Variants in TOM1L1 observed in about 807,000 individuals in gnomAD.
TOM1L1 encodes TOM1-like protein 1.
Under a neutral mutation model 63.4 loss-of-function variants are expected in TOM1L1, and 64 were observed. The ratio of observed to expected loss-of-function variants is 1.01; its 90% confidence interval spans 0.83 to 1.24. The LOEUF is 1.24. Ranked by LOEUF, TOM1L1 falls within the 50% of genes most tolerant of loss-of-function variation. The pLI is 0.00. For synonymous variants in TOM1L1, 166 were observed against 194.4 expected, an observed-to-expected ratio of 0.85 and a Z score of 1.22; for missense variants, 536 against 567.0, an observed-to-expected ratio of 0.95 and a Z score of 0.55.
At chr17:54,948,767 G>A (rs192019363) in intron 12 of TOM1L1, among the ~76,000 whole-genome samples, 2 of 152,324 alleles carry the variant, frequency 1.3e-5, no homozygotes, top group Admixed American at 1.3e-4. Context: ...TTTGTGGAGT[G>A]AATAAGGAAA....
intron 3 of TOM1L1, chr17:54,906,832 C>A: frequency 1.0e-6 from 1 of 984,814 alleles, no homozygotes; most frequent in Non-Finnish European, 1.2e-6. Context: ...GCCCTGCCTG[C>A]TGCCTGAGAG....
chr17:54,906,728 A>T, intron 3 of TOM1L1: 3 of 983,314 alleles, frequency 3.1e-6, no homozygotes, highest in Non-Finnish European at 3.6e-6. Context: ...GTGGACTCTT[A>T]TTTGATGTGT....
chr17:54,912,237 C>T (rs28564882), intron 3 of TOM1L1, among the ~76,000 whole-genome samples: 39,545 of 151,992 alleles, frequency 0.26, 5,287 homozygotes, highest in Non-Finnish European at 0.29. Context: ...GCTGGGGTGA[C>T]TGTGTAATTT....
At chr17:54,947,439 A>G in intron 12 of TOM1L1, 127 bp downstream of exon 12, 1 of 1,089,232 alleles carries the variant, frequency 9.2e-7, no homozygotes, top group East Asian at 2.5e-5. Flanking sequence ...CCTGTTAGCA[A>G]GATGGTAAGG....
chr17:54,953,854 A>C (rs920145081), intron 14 of TOM1L1: 19 of 152,316 alleles, frequency 1.2e-4, no homozygotes, highest in African/African-American at 4.3e-4. Context: ...TGAGAGATGA[A>C]GTGAGATTAA....
intron 12 of TOM1L1, 27 bp downstream of exon 12, chr17:54,947,339 G>C (rs1386456960): frequency 6.2e-7 from 1 of 1,609,178 alleles, no homozygotes. Context: ...TTTTCTAGCA[G>C]TGCATCTAGT....
At chr17:54,940,930 T>C (rs1204666657) in intron 11 of TOM1L1, among the ~76,000 whole-genome samples, 1 of 152,154 alleles carries the variant, frequency 6.6e-6, no homozygotes, top group East Asian at 1.9e-4. Context: ...TTTTAGATAA[T>C]AGGCAACACA....
At chr17:54,919,422 G>GT (rs2048645143) in intron 7 of TOM1L1, among the ~76,000 whole-genome samples, 1 of 152,126 alleles carries the variant, frequency 6.6e-6, no homozygotes, top group East Asian at 1.9e-4. Context: ...CAATCCTTCA[G>GT]TAAAAACACA....
At chr17:54,907,198 G>A (rs1037976796) in intron 3 of TOM1L1, among the ~76,000 whole-genome samples, 1 of 145,338 alleles carries the variant, frequency 6.9e-6, no homozygotes, top group East Asian at 2.0e-4. Flanking sequence ...AACTCTTGAA[G>A]GTCACAGAAT....
intron 8 of TOM1L1, among the ~76,000 whole-genome samples, chr17:54,932,516 T>G (rs1158058935): frequency 1.3e-5 from 2 of 152,146 alleles, no homozygotes; most frequent in African/African-American, 4.8e-5. Flanking sequence ...TAAGACAATA[T>G]GAGGAGTAGT....
At chr17:54,913,684 A>G in intron 4 of TOM1L1, 64 bp from the exon 5 acceptor site, 20 of 1,424,484 alleles carry the variant, frequency 1.4e-5, no homozygotes, top group Non-Finnish European at 1.9e-5. Flanking sequence ...AAAAAAAAAA[A>G]AGAATTGTGT....
At position 54,930,120 on chromosome 17, in the gene TOM1L1, G is replaced by C; in HGVS notation, c.768G>C (p.Leu256=). ...AGATGCAGGAGAGGATCATGGACCT[G>C]CTTGTGGTGGTGGAGAACGAAGATG... The part of the protein sequence containing the change: ...GREMQERIMD[L]LVVVENEDVT... The change falls in exon 8 of 16, where the codon CTG becomes CTC. Residue 256 remains leucine (L), a synonymous_variant. Coordinates refer to ENST00000575882, the MANE Select transcript of TOM1L1 (RefSeq NM_005486.3). 3.1e-6 allele frequency: 5 copies of C among 1,614,140 alleles called. No homozygotes were observed. The highest frequency in any genetic ancestry group is 4.2e-6 in the Non-Finnish European group (5 of 1,180,002).
Position 54,945,404 on chromosome 17 carries a change from G to T in TOM1L1, c.1131-1857G>T, listed in dbSNP as rs149511471. ...TAATGGAACTTCTTGAATGTGGTTTGTGGCTTTATGTCTTTCACCAAACTT... is the reference window on the plus strand; with the variant it reads ...TAATGGAACTTCTTGAATGTGGTTTTTGGCTTTATGTCTTTCACCAAACTT... On this transcript the variant is annotated intron_variant, in intron 11 of 15. Transcript: ENST00000575882. Among the ~76,000 whole-genome samples the T allele has an allele frequency of 1.4e-3, 218 of 152,318 alleles. 1 individual carries two copies. The highest frequency in any genetic ancestry group is 5.1e-3 in the African/African-American group (213 of 41,552).
intron 8 of TOM1L1, among the ~76,000 whole-genome samples, chr17:54,932,645 T>A (rs2048882389): frequency 6.6e-6 from 1 of 152,120 alleles, no homozygotes; most frequent in Non-Finnish European, 1.5e-5. Context: ...GGTCTTGAAC[T>A]CTTGACCTCA....
chr17:54,935,221 T>C (rs538193089), intron 8 of TOM1L1, among the ~76,000 whole-genome samples: 1 of 151,938 alleles, frequency 6.6e-6, no homozygotes, highest in South Asian at 2.1e-4. Flanking sequence ...TTTGGGTAGG[T>C]AGCGAAAAAT....
chr17:54,950,608 G>T (rs1374938145), intron 14 of TOM1L1, among the ~76,000 whole-genome samples: 4 of 151,898 alleles, frequency 2.6e-5, no homozygotes, highest in African/African-American at 7.3e-5. Context: ...ATTTCATATT[G>T]GTCAAGATAT....
rs149013893 is a variant in TOM1L1 at position 54,948,992 on chromosome 17, T to C, written c.1183-526T>C. Among the ~76,000 whole-genome samples the C allele has an allele frequency of 3.5e-4, 54 of 152,268 alleles. No individual in the cohort carries two copies. In the East Asian group the frequency reaches 8.5e-3, roughly 24 times the overall value. On this transcript the variant is annotated intron_variant, in intron 12 of 15. Transcript: ENST00000575882. Reference sequence around the variant, plus strand: ...TATGGTTTTTTTTTCACAGTTTCTATGGGAAATAGGGTGCATTAGGCATAA... The same window carrying C: ...TATGGTTTTTTTTTCACAGTTTCTACGGGAAATAGGGTGCATTAGGCATAA...
In TOM1L1 at chr17:54,961,689, A is replaced by T; in HGVS notation, c.*456A>T. Reference sequence around the variant, plus strand: ...CCTTCATTTAACTAAAGTTGAATGTAAAAGTCAATTTGCACTTCTTTATAA... The same window carrying T: ...CCTTCATTTAACTAAAGTTGAATGTTAAAGTCAATTTGCACTTCTTTATAA... On this transcript the variant is annotated 3_prime_UTR_variant, in exon 16 of 16. Coordinates refer to ENST00000575882, the MANE Select transcript of TOM1L1 (RefSeq NM_005486.3). 2 of 1,048,772 alleles carry T rather than the reference A, an allele frequency of 1.9e-6. No homozygotes were observed. Among genetic ancestry groups the T allele is most frequent in the Non-Finnish European group, 2.3e-6 (2 of 869,984 alleles). The allele number at this position is 1,048,772 out of a possible 1,614,324, so 65.0% of individuals were successfully genotyped here.
At chr17:54,915,610 GAAATT>G (rs2048574313) in intron 6 of TOM1L1, 131 bp from the exon 7 acceptor site, 3 of 511,680 alleles carry the variant, frequency 5.9e-6, no homozygotes, top group East Asian at 6.5e-5. Context: ...ATATTTATAT[GAAATT>G]AAATTTAAGT....
Sources: allele counts gnomAD v4.1 joint callset (sites outside exome capture counted in the v4.1 genomes callset), GRCh38; gene constraint gnomAD v4.1.1; transcripts MANE v1.5; gene names NCBI Gene and HGNC (gene_info 2026-07-23, HGNC 2026-07-21).